COL5A2: variants seen among roughly 807,000 people sequenced by gnomAD.
COL5A2 encodes collagen alpha-2(V) chain.
Under a neutral mutation model 208.2 loss-of-function variants are expected in COL5A2, and 23 were observed. The ratio of observed to expected loss-of-function variants is 0.11; its 90% confidence interval spans 0.08 to 0.16. The LOEUF (loss-of-function observed/expected upper bound fraction) is 0.16, where lower values mean the gene tolerates loss of function less well. Among genes scored for constraint, COL5A2 ranks in the 10% least tolerant of loss-of-function variants. COL5A2 has a pLI of 1.00. For synonymous variants in COL5A2, 625 were observed against 628.5 expected, an observed-to-expected ratio of 0.99 and a Z score of 0.08; for missense variants, 1,590 against 1,956.4, an observed-to-expected ratio of 0.81 and a Z score of 3.53.
the COL5A2 span, among the ~76,000 whole-genome samples, chr2:189,230,525 T>A: frequency 6.6e-6 from 1 of 151,750 alleles, no homozygotes; most frequent in African/African-American, 2.4e-5. Context: ...AATGGACAAA[T>A]GACTTAAATA....
chr2:189,239,838 G>C, the COL5A2 span, among the ~76,000 whole-genome samples: 119 of 151,936 alleles, frequency 7.8e-4, no homozygotes, highest in African/African-American at 2.8e-3. Flanking sequence ...AATGCGGGAG[G>C]ACCTAGAAGT....
the COL5A2 span, among the ~76,000 whole-genome samples, chr2:189,239,617 T>G: frequency 2.2e-5 from 2 of 89,272 alleles, no homozygotes; most frequent in African/African-American, 9.1e-5. Flanking sequence ...TGGGGACTGT[T>G]GTGGGGTGGG....
At position 189,179,001 on chromosome 2, in the gene COL5A2, G is replaced by C. The variant is rs920512564; in HGVS notation, c.97+507C>G. Among the ~76,000 whole-genome samples the C allele has an allele frequency of 4.6e-5, 7 of 152,118 alleles. No homozygotes were observed. The South Asian group carries it at 1.4e-3, about 31-fold the overall frequency. On this transcript the variant is annotated intron_variant, in intron 1 of 53. Transcript: ENST00000374866. ...AAAAGAAGTTTAAATTGTTAAAGAGGAAAGAATGAGGAGCCAAAGACAAAG... is the reference window on the plus strand; with the variant it reads ...AAAAGAAGTTTAAATTGTTAAAGAGCAAAGAATGAGGAGCCAAAGACAAAG...
chr2:189,137,630 A>G (rs1687851386), intron 1 of COL5A2, among the ~76,000 whole-genome samples: 1 of 152,182 alleles, frequency 6.6e-6, no homozygotes, highest in African/African-American at 2.4e-5. Context: ...CTCCTCTACA[A>G]TAGAAAAAAC....
the COL5A2 span, among the ~76,000 whole-genome samples, chr2:189,353,512 T>A: frequency 6.6e-6 from 1 of 152,168 alleles, no homozygotes. Flanking sequence ...TCACATCCCT[T>A]GTAAGTTGGA....
At chr2:189,220,388 T>C (rs1689333818) in intron 1 of COL5A2, among the ~76,000 whole-genome samples, 1 of 152,124 alleles carries the variant, frequency 6.6e-6, no homozygotes, top group Non-Finnish European at 1.5e-5. Context: ...CTTTAGAGAA[T>C]TCAAATTAGT....
At chr2:189,107,047 A>C (rs1470095826) in intron 2 of COL5A2, among the ~76,000 whole-genome samples, 1 of 151,448 alleles carries the variant, frequency 6.6e-6, no homozygotes, top group Non-Finnish European at 1.5e-5. Context: ...CATTGTTATT[A>C]CTTTTGCTGT....
chr2:189,314,701 A>T, the COL5A2 span, among the ~76,000 whole-genome samples: 1 of 152,204 alleles, frequency 6.6e-6, no homozygotes, highest in South Asian at 2.1e-4. Flanking sequence ...ACTAATAAAG[A>T]AGAAAAAGTA....
intron 33 of COL5A2, 29 bp downstream of exon 33, chr2:189,058,400 T>C (rs1685947738): frequency 2.6e-6 from 4 of 1,565,250 alleles, no homozygotes; most frequent in Non-Finnish European, 3.5e-6. Flanking sequence ...TAAAGCATTT[T>C]AAAACACTGA....
At chr2:189,325,507 CAT>C in the COL5A2 span, among the ~76,000 whole-genome samples, 1 of 151,960 alleles carries the variant, frequency 6.6e-6, no homozygotes. Flanking sequence ...CACATACACA[CAT>C]ACACACACAC....
the COL5A2 span, among the ~76,000 whole-genome samples, chr2:189,323,426 C>T: frequency 0.036 from 5,433 of 151,964 alleles, 111 homozygotes; most frequent in Admixed American, 0.049. Context: ...AAAACCCCAT[C>T]GTCTCAGCCC....
rs893161057 is a variant in COL5A2, at chr2:189,078,688, T to A, written c.1006-119A>T. On this transcript the variant is annotated intron_variant, in intron 15 of 53. Transcript: ENST00000374866. ...TAATTGGCCACCAAGCAGTAGTATT[T>A]CCAGGGGCAATGTTGGGTTTGAAAA... 10 of 865,428 alleles carry A rather than the reference T, an allele frequency of 1.2e-5. No individual in the cohort carries two copies. In the African/African-American group the frequency reaches 1.5e-4, roughly 13 times the overall value. The allele number at this position is 865,428 out of a possible 1,614,324, so 53.6% of individuals were successfully genotyped here.
chr2:189,273,078 C>A, the COL5A2 span, among the ~76,000 whole-genome samples: 7 of 152,094 alleles, frequency 4.6e-5, no homozygotes, highest in Non-Finnish European at 1.0e-4. Context: ...TGGTTATTTT[C>A]TGATCCCTAA....
intron 3 of COL5A2, 44 bp downstream of exon 3, chr2:189,104,220 A>G (rs748949009): frequency 2.8e-6 from 4 of 1,406,518 alleles, no homozygotes; most frequent in East Asian, 4.6e-5. Context: ...AGTATTGGAT[A>G]TAAGTCTGCT....
intron 1 of COL5A2, among the ~76,000 whole-genome samples, chr2:189,162,296 G>A (rs1688382305): frequency 6.6e-6 from 1 of 152,200 alleles, no homozygotes; most frequent in Non-Finnish European, 1.5e-5. Context: ...CTCAGCACAT[G>A]TTTACCAAAT....
intron 1 of COL5A2, among the ~76,000 whole-genome samples, chr2:189,201,264 G>A (rs1311394208): frequency 6.6e-6 from 1 of 151,820 alleles, no homozygotes; most frequent in African/African-American, 2.4e-5. Flanking sequence ...ATATCCTAAA[G>A]CCTAGCAACC....
At chr2:189,085,889 T>C (rs538873475) in intron 9 of COL5A2, 117 bp from the exon 10 acceptor site, 2 of 823,580 alleles carry the variant, frequency 2.4e-6, no homozygotes, top group South Asian at 2.9e-5. Flanking sequence ...CTTCCAGCTG[T>C]GTGACTTTGG....
At chr2:189,163,078 A>C (rs1285838878) in intron 1 of COL5A2, among the ~76,000 whole-genome samples, 1 of 152,024 alleles carries the variant, frequency 6.6e-6, no homozygotes, top group Non-Finnish European at 1.5e-5. Context: ...AATATGATCT[A>C]CTCCTCAGGT....
At chr2:189,395,486 A>T in the COL5A2 span, among the ~76,000 whole-genome samples, 1 of 152,304 alleles carries the variant, frequency 6.6e-6, no homozygotes, top group Admixed American at 6.5e-5. Flanking sequence ...TCTTAGGGAT[A>T]CCAGATGAAA....
Sources: allele counts gnomAD v4.1 joint callset (sites outside exome capture counted in the v4.1 genomes callset), GRCh38; gene constraint gnomAD v4.1.1; transcripts MANE v1.5; gene names NCBI Gene and HGNC (gene_info 2026-07-23, HGNC 2026-07-21).